STAG1: variants seen among roughly 807,000 people sequenced by gnomAD.
STAG1 encodes the protein cohesin subunit SA-1.
A neutral mutation model predicts 170.9 loss-of-function variants in STAG1; 26 were observed. The ratio of observed to expected loss-of-function variants is 0.15; its 90% confidence interval spans 0.11 to 0.21. STAG1 has a LOEUF of 0.21. Ranked by LOEUF, STAG1 falls within the 10% of genes least tolerant of loss-of-function variation. The pLI is 1.00. For missense variants in STAG1, 964 were observed against 1,509.5 expected (o/e 0.64, Z 5.99); for synonymous variants, 514 against 497.7 (o/e 1.03, Z -0.44).
chr3:136,363,492 G>C, intron 25 of STAG1, 25 bp from the exon 26 acceptor site: 1 of 1,096,532 alleles, frequency 9.1e-7, no homozygotes, highest in Non-Finnish European at 1.3e-6. Flanking sequence ...AAGAAAACAT[G>C]GCTTTAAAAT....
intron 5 of STAG1, among the ~76,000 whole-genome samples, chr3:136,567,424 G>A (rs1937124046): frequency 6.6e-6 from 1 of 152,112 alleles, no homozygotes; most frequent in Non-Finnish European, 1.5e-5. Context: ...TTGTCTTAAG[G>A]TCTTTTTGCA....
intron 2 of STAG1, among the ~76,000 whole-genome samples, chr3:136,624,707 C>T (rs937691130): frequency 6.6e-6 from 1 of 152,066 alleles, no homozygotes; most frequent in Admixed American, 6.5e-5. Flanking sequence ...CTATAATCAA[C>T]AAAACAATAA....
intron 22 of STAG1, among the ~76,000 whole-genome samples, chr3:136,380,589 T>C (rs1338124881): frequency 6.6e-6 from 1 of 151,906 alleles, no homozygotes; most frequent in Non-Finnish European, 1.5e-5. Context: ...GCTCTAAAGA[T>C]ATGGATAGAT....
At chr3:136,651,425 A>T (rs1259711727) in intron 1 of STAG1, among the ~76,000 whole-genome samples, 1 of 151,882 alleles carries the variant, frequency 6.6e-6, no homozygotes, top group Non-Finnish European at 1.5e-5. Flanking sequence ...GATTCAACAG[A>T]AACAGACTCT....
At chr3:136,488,761 A>C (rs1355083860) in intron 9 of STAG1, among the ~76,000 whole-genome samples, 1 of 152,240 alleles carries the variant, frequency 6.6e-6, no homozygotes, top group Non-Finnish European at 1.5e-5. Context: ...AAGGAGATAC[A>C]GTATAAAATA....
At chr3:136,555,096 TTATAATATA>T (rs959367922) in intron 5 of STAG1, among the ~76,000 whole-genome samples, 28 of 147,790 alleles carry the variant, frequency 1.9e-4, no homozygotes, top group Non-Finnish European at 4.2e-4. Flanking sequence ...ATTTATATAT[TTATAATATA>T]TATATTATAA....
At chr3:136,354,757 A>AAAAAAAAAAAAAC (rs1936573906) in intron 28 of STAG1, among the ~76,000 whole-genome samples, 1 of 144,402 alleles carries the variant, frequency 6.9e-6, no homozygotes, top group Non-Finnish European at 1.5e-5. Context: ...AAAGAACCAA[A>AAAAAAAAAAAAAC]AAAAAAAAAA....
At chr3:136,544,114 C>G (rs1559870631) in intron 5 of STAG1, among the ~76,000 whole-genome samples, 2 of 152,194 alleles carry the variant, frequency 1.3e-5, no homozygotes, top group Non-Finnish European at 2.9e-5. Context: ...GTAGACATAT[C>G]AGGTCCAACA....
At chr3:136,583,038 A>G (rs771134193) in intron 4 of STAG1, among the ~76,000 whole-genome samples, 3 of 152,170 alleles carry the variant, frequency 2.0e-5, no homozygotes, top group Non-Finnish European at 4.4e-5. Flanking sequence ...CTATAGCTGC[A>G]TTATTTCTTT....
chr3:136,614,472 A>G (rs1323365032), intron 3 of STAG1, among the ~76,000 whole-genome samples: 1 of 152,196 alleles, frequency 6.6e-6, no homozygotes. Context: ...AACCTGAAAT[A>G]CCTGAAAGAA....
intron 1 of STAG1, among the ~76,000 whole-genome samples, chr3:136,689,054 A>T (rs190607327): frequency 1.3e-5 from 2 of 152,354 alleles, no homozygotes; most frequent in Admixed American, 1.3e-4. Flanking sequence ...AGAAAAGCAG[A>T]TTCTTTATGG....
intron 31 of STAG1, among the ~76,000 whole-genome samples, 186 bp downstream of exon 31, chr3:136,341,255 G>A (rs1935958171): frequency 6.6e-6 from 1 of 152,212 alleles, no homozygotes; most frequent in Non-Finnish European, 1.5e-5. Flanking sequence ...GCTGCCAAGT[G>A]GCAGAGCTAG....
intron 1 of STAG1, among the ~76,000 whole-genome samples, chr3:136,699,733 A>G (rs1478803350): frequency 1.3e-5 from 2 of 151,902 alleles, no homozygotes; most frequent in Non-Finnish European, 2.9e-5. Flanking sequence ...ATCAGGACAC[A>G]TCCTTTGTGT....
intron 13 of STAG1, 92 bp downstream of exon 13, chr3:136,464,789 G>A: frequency 9.8e-7 from 1 of 1,021,884 alleles, no homozygotes; most frequent in Non-Finnish European, 1.4e-6. Flanking sequence ...TCAGCACTGT[G>A]TTCAGTCACT....
chr3:136,518,723 C>T (rs576616805), intron 7 of STAG1, among the ~76,000 whole-genome samples: 3 of 152,052 alleles, frequency 2.0e-5, no homozygotes, highest in Non-Finnish European at 4.4e-5. Context: ...TTGAAAATTC[C>T]GTATAAACGT....
chr3:136,639,108 T>C (rs1940695485), intron 1 of STAG1, among the ~76,000 whole-genome samples: 2 of 151,360 alleles, frequency 1.3e-5, no homozygotes, highest in African/African-American at 4.9e-5. Context: ...TTACAAGTAT[T>C]TATGTTCCCA....
At chr3:136,607,149 T>G (rs1938991237) in intron 3 of STAG1, among the ~76,000 whole-genome samples, 1 of 152,158 alleles carries the variant, frequency 6.6e-6, no homozygotes, top group African/African-American at 2.4e-5. Flanking sequence ...GACATAGTGT[T>G]TTGTCAGGTT....
At chr3:136,419,754 T>C (rs2087895050) in intron 20 of STAG1, among the ~76,000 whole-genome samples, 1 of 150,904 alleles carries the variant, frequency 6.6e-6, no homozygotes, top group Non-Finnish European at 1.5e-5. Flanking sequence ...TAAGCCACCA[T>C]GCCTGGTCCC....
chr3:136,460,644 G>A (rs780007332), intron 13 of STAG1, among the ~76,000 whole-genome samples: 17 of 150,676 alleles, frequency 1.1e-4, no homozygotes, highest in Non-Finnish European at 2.4e-4. Context: ...TATTGAAGCA[G>A]TAATAAAAAT....
Sources: allele counts gnomAD v4.1 joint callset (sites outside exome capture counted in the v4.1 genomes callset), GRCh38; gene constraint gnomAD v4.1.1; transcripts MANE v1.5; gene names NCBI Gene and HGNC (gene_info 2026-07-23, HGNC 2026-07-21).